Variants in TMEM117 observed in about 807,000 individuals in gnomAD.
The protein encoded by TMEM117 is transmembrane protein 117.
TMEM117 carries 27 observed loss-of-function variants against 52.4 expected under a neutral mutation model. The ratio of observed to expected loss-of-function variants is 0.51; its 90% CI spans 0.38 to 0.71. The LOEUF is 0.71. TMEM117 is among the 30% of genes least tolerant of loss of function. TMEM117 has a pLI of 0.00. For missense variants in TMEM117, 556 were observed against 630.5 expected (o/e 0.88, Z 1.26); for synonymous variants, 215 against 206.3 (o/e 1.04, Z -0.36).
intron 6 of TMEM117, among the ~76,000 whole-genome samples, chr12:44,352,919 T>G (rs12312895): frequency 5.3e-5 from 8 of 151,944 alleles, no homozygotes; most frequent in South Asian, 2.1e-4. Context: ...CCAACAGTGT[T>G]AAAGTGTTCC....
intron 5 of TMEM117, among the ~76,000 whole-genome samples, chr12:44,260,238 C>T (rs921808649): frequency 1.3e-5 from 2 of 152,150 alleles, no homozygotes; most frequent in African/African-American, 2.4e-5. Context: ...GAGTTACCAC[C>T]GTATTTACAC....
chr12:43,892,909 G>A (rs2137482579), intron 2 of TMEM117, among the ~76,000 whole-genome samples: 1 of 152,330 alleles, frequency 6.6e-6, no homozygotes, highest in Admixed American at 6.5e-5. Flanking sequence ...GGTCATCAGG[G>A]AGGCTTGTCT....
At chr12:43,876,145 A>G (rs937433443) in intron 2 of TMEM117, among the ~76,000 whole-genome samples, 1 of 152,158 alleles carries the variant, frequency 6.6e-6, no homozygotes, top group Non-Finnish European at 1.5e-5. Flanking sequence ...TCCTGTTCTC[A>G]TGACTTTGTC....
At chr12:44,324,673 A>G (rs1463429934) in intron 6 of TMEM117, among the ~76,000 whole-genome samples, 2 of 152,122 alleles carry the variant, frequency 1.3e-5, no homozygotes, top group Non-Finnish European at 2.9e-5. Flanking sequence ...TAATTCATAT[A>G]TATTTTTACA....
At chr12:44,026,394 A>T (rs972425989) in intron 3 of TMEM117, among the ~76,000 whole-genome samples, 16 of 152,166 alleles carry the variant, frequency 1.1e-4, no homozygotes, top group Non-Finnish European at 1.3e-4. Flanking sequence ...GCTGGCCCAG[A>T]TGCCTCTGTT....
At chr12:44,028,877 C>G (rs1946585343) in intron 3 of TMEM117, among the ~76,000 whole-genome samples, 1 of 152,174 alleles carries the variant, frequency 6.6e-6, no homozygotes, top group Non-Finnish European at 1.5e-5. Context: ...TTTCTTGTAA[C>G]ATCTTTCTGG....
intron 3 of TMEM117, among the ~76,000 whole-genome samples, chr12:44,123,443 G>C (rs1345534766): frequency 1.3e-5 from 2 of 152,054 alleles, no homozygotes; most frequent in Non-Finnish European, 2.9e-5. Context: ...CATTGCAATT[G>C]CTTTTTGCAT....
intron 3 of TMEM117, among the ~76,000 whole-genome samples, chr12:43,991,448 T>C (rs983839495): frequency 1.3e-5 from 2 of 149,276 alleles, no homozygotes; most frequent in Admixed American, 6.7e-5. Context: ...TATCTATCTA[T>C]CTATCTATCT....
intron 4 of TMEM117, among the ~76,000 whole-genome samples, chr12:44,157,709 A>T (rs1948845570): frequency 6.6e-6 from 1 of 152,140 alleles, no homozygotes. Flanking sequence ...TATGTGATGA[A>T]AACACAATAA....
At chr12:44,116,066 A>G (rs996402851) in intron 3 of TMEM117, among the ~76,000 whole-genome samples, 6 of 152,198 alleles carry the variant, frequency 3.9e-5, no homozygotes, top group African/African-American at 1.4e-4. Context: ...TCTCTTCTCA[A>G]TCACTGAAAA....
At chr12:44,088,096 G>C (rs1947602546) in intron 3 of TMEM117, among the ~76,000 whole-genome samples, 1 of 152,122 alleles carries the variant, frequency 6.6e-6, no homozygotes, top group Non-Finnish European at 1.5e-5. Context: ...CTTCACTGTA[G>C]CTTTAGATAG....
chr12:43,811,215 T>C, the TMEM117 span, among the ~76,000 whole-genome samples: 33,107 of 152,138 alleles, frequency 0.22, 4,123 homozygotes, highest in African/African-American at 0.33. Flanking sequence ...GGGTGAGTCT[T>C]CTTGAAAGGC....
At chr12:43,962,238 T>C (rs1377252179) in intron 3 of TMEM117, among the ~76,000 whole-genome samples, 1 of 152,176 alleles carries the variant, frequency 6.6e-6, no homozygotes, top group East Asian at 1.9e-4. Context: ...GAGCATCACA[T>C]TGGAATTGGT....
intron 3 of TMEM117, among the ~76,000 whole-genome samples, chr12:44,086,761 A>G (rs79820024): frequency 0.031 from 4,790 of 152,102 alleles, 201 homozygotes; most frequent in African/African-American, 0.097. Context: ...TTTTAGAAAC[A>G]GTTTTTACTT....
At chr12:44,378,028 C>G (rs1951966482) in intron 7 of TMEM117, among the ~76,000 whole-genome samples, 1 of 152,128 alleles carries the variant, frequency 6.6e-6, no homozygotes, top group Admixed American at 6.6e-5. Context: ...TTCAGAGTCC[C>G]CACTTAATCT....
intron 4 of TMEM117, among the ~76,000 whole-genome samples, chr12:44,169,207 T>C (rs1249490754): frequency 6.6e-6 from 1 of 152,242 alleles, no homozygotes; most frequent in East Asian, 1.9e-4. Flanking sequence ...TTCCTTTGAG[T>C]ACATACCCTG....
chr12:44,398,897 TG>T, the TMEM117 span, among the ~76,000 whole-genome samples: 1 of 152,232 alleles, frequency 6.6e-6, no homozygotes, highest in Non-Finnish European at 1.5e-5. Context: ...GAGTTTTAAG[TG>T]TATCTTTCCC....
intron 3 of TMEM117, among the ~76,000 whole-genome samples, chr12:44,025,255 T>C (rs913565040): frequency 1.3e-5 from 2 of 152,218 alleles, no homozygotes; most frequent in Admixed American, 1.3e-4. Context: ...GTTGAACAGA[T>C]ACGGTTCAGG....
chr12:44,235,712 T>G (rs987623399), intron 5 of TMEM117, among the ~76,000 whole-genome samples: 7 of 151,870 alleles, frequency 4.6e-5, no homozygotes, highest in Admixed American at 1.3e-4. Flanking sequence ...TCCTTCTGCT[T>G]GAAGTAAGTT....
Sources: allele counts gnomAD v4.1 joint callset (sites outside exome capture counted in the v4.1 genomes callset), GRCh38; gene constraint gnomAD v4.1.1; transcripts MANE v1.5; gene names NCBI Gene and HGNC (gene_info 2026-07-23, HGNC 2026-07-21).